DPH6: variants seen among roughly 807,000 people sequenced by gnomAD.
DPH6 encodes diphthamine biosynthesis 6, also known as diphthine--ammonia ligase.
Under a neutral mutation model 38.2 loss-of-function variants are expected in DPH6, and 33 were observed. The observed-to-expected ratio is 0.86, with a 90% confidence interval of 0.65 to 1.15. The LOEUF (loss-of-function observed/expected upper bound fraction) is 1.15, where lower values mean the gene tolerates loss of function less well. Among genes scored for constraint, DPH6 ranks in the 50% most tolerant of loss-of-function variants. The probability of loss-of-function intolerance (pLI) is 0.00; values close to 1 mark genes in which losing one functional copy is unlikely to be tolerated. For synonymous variants in DPH6, 108 were observed against 103.0 expected, an observed-to-expected ratio of 1.05 and a Z score of -0.30; for missense variants, 325 against 320.0, an observed-to-expected ratio of 1.02 and a Z score of -0.12.
chr15:35,432,363 C>A (rs2053643128), intron 5 of DPH6, among the ~76,000 whole-genome samples: 1 of 152,140 alleles, frequency 6.6e-6, no homozygotes, highest in Admixed American at 6.5e-5. Flanking sequence ...TCACTATCCT[C>A]CTGGATACGT....
chr15:35,161,776 C>CA, the DPH6 span, among the ~76,000 whole-genome samples: 7 of 151,884 alleles, frequency 4.6e-5, no homozygotes, highest in Non-Finnish European at 1.0e-4. Flanking sequence ...AGAGAGACCT[C>CA]AACAGGAAGC....
the DPH6 span, among the ~76,000 whole-genome samples, chr15:35,185,724 CTTT>C: frequency 0.014 from 1,171 of 82,996 alleles, 16 homozygotes; most frequent in Admixed American, 0.063. Flanking sequence ...CCAATCCACT[CTTT>C]TTTTTTTTTT....
intron 3 of DPH6, among the ~76,000 whole-genome samples, chr15:35,224,403 G>A (rs1319869817): frequency 6.6e-6 from 1 of 152,072 alleles, no homozygotes; most frequent in Non-Finnish European, 1.5e-5. Context: ...CACCACGCCT[G>A]GCCTGATTTT....
At chr15:35,324,536 A>ACATTT (rs1166727893) in intron 3 of DPH6, among the ~76,000 whole-genome samples, 5 of 152,164 alleles carry the variant, frequency 3.3e-5, no homozygotes, top group Admixed American at 1.3e-4. Context: ...ACGACTTCTA[A>ACATTT]CATTTCCTCT....
At chr15:35,199,132 C>T in the DPH6 span, among the ~76,000 whole-genome samples, 1 of 152,144 alleles carries the variant, frequency 6.6e-6, no homozygotes, top group African/African-American at 2.4e-5. Flanking sequence ...GTTGGCTAGG[C>T]TAACTTCTGA....
At chr15:35,248,021 T>G (rs1337189136) in intron 3 of DPH6, among the ~76,000 whole-genome samples, 1 of 152,194 alleles carries the variant, frequency 6.6e-6, no homozygotes, top group Non-Finnish European at 1.5e-5. Flanking sequence ...CAAAGGGCAT[T>G]AACAATGTCA....
At chr15:35,255,163 T>C (rs774706061) in intron 3 of DPH6, among the ~76,000 whole-genome samples, 55 of 152,118 alleles carry the variant, frequency 3.6e-4, no homozygotes, top group Non-Finnish European at 5.9e-4. Flanking sequence ...CGGAGAACTA[T>C]GAAACAAGGC....
At chr15:35,451,356 A>C (rs1172345714) in intron 4 of DPH6, among the ~76,000 whole-genome samples, 1 of 152,190 alleles carries the variant, frequency 6.6e-6, no homozygotes, top group Non-Finnish European at 1.5e-5. Flanking sequence ...TAGGTTTTGG[A>C]GTGAAGACAC....
At chr15:35,531,321 T>G (rs2055084035) in intron 3 of DPH6, among the ~76,000 whole-genome samples, 1 of 152,224 alleles carries the variant, frequency 6.6e-6, no homozygotes, top group African/African-American at 2.4e-5. Flanking sequence ...AGTTAGTGGT[T>G]ACACTGATAG....
intron 3 of DPH6, among the ~76,000 whole-genome samples, chr15:35,526,906 A>G (rs951720643): frequency 2.6e-5 from 4 of 152,186 alleles, no homozygotes; most frequent in Non-Finnish European, 5.9e-5. Flanking sequence ...ACTAGAAAGC[A>G]TTAATTCTAC....
downstream of DPH6, among the ~76,000 whole-genome samples, chr15:35,327,787 A>C (rs1241515734): frequency 6.6e-6 from 1 of 152,158 alleles, no homozygotes; most frequent in African/African-American, 2.4e-5. Context: ...GTTGATTCAG[A>C]GGTTTTAAGC....
chr15:35,390,483 T>C (rs954964567), intron 6 of DPH6, among the ~76,000 whole-genome samples: 8 of 152,310 alleles, frequency 5.3e-5, no homozygotes, highest in African/African-American at 1.9e-4. Context: ...GTACACCAAT[T>C]AGACGTAGAT....
At chr15:35,161,520 T>C in the DPH6 span, among the ~76,000 whole-genome samples, 2 of 151,932 alleles carry the variant, frequency 1.3e-5, no homozygotes, top group African/African-American at 4.8e-5. Flanking sequence ...GACTGAATGT[T>C]TGTGTCTCCC....
At chr15:35,310,091 C>T (rs183159634) in intron 3 of DPH6, among the ~76,000 whole-genome samples, 1 of 152,278 alleles carries the variant, frequency 6.6e-6, no homozygotes, top group East Asian at 1.9e-4. Context: ...GAACCCATTC[C>T]AGACCAATTA....
At chr15:35,285,871 A>ACTTTTTTTTTTTTTTTTT (rs1566859769) in intron 3 of DPH6, among the ~76,000 whole-genome samples, 1 of 2,860 alleles carries the variant, frequency 3.5e-4, no homozygotes, top group Non-Finnish European at 9.9e-4. Context: ...TTTATCTTTG[A>ACTTTTTTTTTTTTTTTTT]GTTTTTTTTT....
At chr15:35,403,355 A>T (rs28532127) in intron 6 of DPH6, among the ~76,000 whole-genome samples, 46,553 of 151,938 alleles carry the variant, frequency 0.31, 7,856 homozygotes, top group African/African-American at 0.45. Flanking sequence ...ATATATATAT[A>T]TATGGAGTAT....
At chr15:35,302,247 AT>A (rs1245135780) in intron 3 of DPH6, among the ~76,000 whole-genome samples, 1 of 152,128 alleles carries the variant, frequency 6.6e-6, no homozygotes, top group African/African-American at 2.4e-5. Flanking sequence ...ACTATGCTGT[AT>A]TTTCTGTATA....
At chr15:35,304,194 C>T (rs969582666) in intron 3 of DPH6, among the ~76,000 whole-genome samples, 2 of 152,058 alleles carry the variant, frequency 1.3e-5, no homozygotes, top group Admixed American at 6.5e-5. Flanking sequence ...CATGAGGAAA[C>T]AGAAAATTGA....
intron 5 of DPH6, among the ~76,000 whole-genome samples, chr15:35,433,029 A>G (rs1464927958): frequency 2.6e-5 from 4 of 152,076 alleles, no homozygotes; most frequent in Admixed American, 2.0e-4. Context: ...ATAAAAGTTG[A>G]AAAAAAAGAA....
Sources: allele counts gnomAD v4.1 joint callset (sites outside exome capture counted in the v4.1 genomes callset), GRCh38; gene constraint gnomAD v4.1.1; transcripts MANE v1.5; gene names NCBI Gene and HGNC (gene_info 2026-07-23, HGNC 2026-07-21).